The following SRGAP3 variants were observed in gnomAD, a reference collection of about 807,000 sequenced individuals.
SRGAP3 encodes the protein SLIT-ROBO Rho GTPase activating protein 3, also known as SLIT-ROBO Rho GTPase-activating protein 3.
A neutral mutation model predicts 121.1 loss-of-function variants in SRGAP3; 39 were observed. The ratio of observed to expected loss-of-function variants is 0.32; its 90% CI spans 0.25 to 0.42. SRGAP3 has a LOEUF of 0.42. Among genes scored for constraint, SRGAP3 ranks in the 10% least tolerant of loss-of-function variants. The pLI, the probability that SRGAP3 is intolerant of heterozygous loss-of-function variation, is 1.00. For synonymous variants in SRGAP3, 601 were observed against 570.0 expected (o/e 1.05, Z -0.77); for missense variants, 1,213 against 1,470.6 (o/e 0.82, Z 2.86).
Position 9,056,120 on chromosome 3 carries a change from C to G in SRGAP3, c.1125+113G>C, listed in dbSNP as rs113134338. 1,464 of 912,554 alleles carry G rather than the reference C, an allele frequency of 1.6e-3. 4 individuals are homozygous for G. Among genetic ancestry groups the G allele is most frequent in the Non-Finnish European group, 2.4e-3 (1,347 of 556,678 alleles). 56.5% of individuals were successfully genotyped at this position (912,554 alleles called of 1,614,324 possible). A position where few individuals can be genotyped will look rare whatever the true frequency, so the allele number is the denominator to read the frequency against. ...TGGTTTTAATGATCGTGTACTATTC[C>G]ATCTTATAAGTGGAACTATCATTTC... On this transcript the variant is annotated intron_variant, in intron 8 of 21. Transcript: ENST00000383836.
chr3:9,141,166 C>A (rs1949831323), intron 1 of SRGAP3, among the ~76,000 whole-genome samples: 1 of 152,186 alleles, frequency 6.6e-6, no homozygotes. Flanking sequence ...GCAGGCCAGC[C>A]CCCACTCTGC....
At chr3:9,177,252 G>C (rs906049998) in intron 1 of SRGAP3, among the ~76,000 whole-genome samples, 2 of 152,226 alleles carry the variant, frequency 1.3e-5, no homozygotes, top group Non-Finnish European at 1.5e-5. Flanking sequence ...ATTCTGGTGA[G>C]AGAGACAGAT....
At chr3:9,270,971 T>C in intron 3 of SRGAP3, among the ~76,000 whole-genome samples, 1 of 152,146 alleles carries the variant, frequency 6.6e-6, no homozygotes, top group East Asian at 1.9e-4. Flanking sequence ...CTGCAGAGGA[T>C]TTTTGTTTTG....
At chr3:9,311,496 C>T (rs1204619638) in intron 3 of SRGAP3, among the ~76,000 whole-genome samples, 1 of 152,216 alleles carries the variant, frequency 6.6e-6, no homozygotes, top group Non-Finnish European at 1.5e-5. Flanking sequence ...TCAAGTCTGT[C>T]GCAACCACTC....
At chr3:9,276,771 C>G (rs1033447829) in intron 3 of SRGAP3, among the ~76,000 whole-genome samples, 30 of 152,244 alleles carry the variant, frequency 2.0e-4, no homozygotes, top group African/African-American at 6.3e-4. Context: ...CAGCCCTGCT[C>G]TAATCTGTAC....
intron 18 of SRGAP3, among the ~76,000 whole-genome samples, chr3:8,995,524 G>A (rs906411318): frequency 1.3e-5 from 2 of 152,144 alleles, no homozygotes; most frequent in African/African-American, 2.4e-5. Context: ...GCTTAGTACA[G>A]ATACTCATGA....
intron 4 of SRGAP3, among the ~76,000 whole-genome samples, chr3:9,077,696 GCAGC>G (rs1318164357): frequency 6.6e-6 from 1 of 152,224 alleles, no homozygotes; most frequent in Admixed American, 6.5e-5. Context: ...ATCCTGCCCT[GCAGC>G]CAGCACAGGG....
At chr3:9,347,439 A>T (rs1157474216) in intron 1 of SRGAP3, among the ~76,000 whole-genome samples, 2 of 152,202 alleles carry the variant, frequency 1.3e-5, no homozygotes, top group Non-Finnish European at 2.9e-5. Flanking sequence ...AGAAGAATAT[A>T]TGCAGGACTC....
Position 9,169,135 on chromosome 3 carries a change from T to A in SRGAP3, c.68-44218A>T, listed in dbSNP as rs150198972. 3.6e-3 allele frequency among the ~76,000 whole-genome samples: 554 copies of A among 152,368 alleles called. 2 individuals carry two copies. The highest frequency in any genetic ancestry group is 0.013 in the African/African-American group (520 of 41,596). The stretch of plus-strand genomic sequence containing the variant: ...GTTTCTGAGCCTCTCTGTGGATCTA[T>A]CTGTTCATCTAGGAAATGAGGATAG... On this transcript the variant is annotated intron_variant, in intron 1 of 21. Transcript: ENST00000383836.
chr3:9,170,747 G>A (rs1480712576), intron 1 of SRGAP3, among the ~76,000 whole-genome samples: 1 of 152,240 alleles, frequency 6.6e-6, no homozygotes, highest in African/African-American at 2.4e-5. Flanking sequence ...GCCCAAGGAG[G>A]TGAGGGCACA....
At chr3:9,331,943 T>C (rs1012175194) in intron 1 of SRGAP3, among the ~76,000 whole-genome samples, 1 of 152,152 alleles carries the variant, frequency 6.6e-6, no homozygotes, top group Non-Finnish European at 1.5e-5. Context: ...TAATATACTG[T>C]TGTTAATTAA....
chr3:9,214,314 C>G (rs543868985), intron 1 of SRGAP3, among the ~76,000 whole-genome samples: 1 of 152,144 alleles, frequency 6.6e-6, no homozygotes, highest in Non-Finnish European at 1.5e-5. Flanking sequence ...ACAATAGAAA[C>G]AGTCATATGG....
chr3:9,294,546 CAAACAAAA>C (rs1304056343), intron 3 of SRGAP3, among the ~76,000 whole-genome samples: 1 of 84,384 alleles, frequency 1.2e-5, no homozygotes, highest in Non-Finnish European at 3.3e-5. Flanking sequence ...AACAAACAAA[CAAACAAAA>C]AAAAACACCA....
rs1943787406 is a variant in SRGAP3, at chr3:9,019,166, CA to C, written c.1679-3436del. 3.9e-5 allele frequency among the ~76,000 whole-genome samples: 6 copies of C among 152,306 alleles called. No individual in the cohort carries two copies. In the South Asian group the frequency reaches 1.2e-3, roughly 32 times the overall value. Reference sequence around the variant, plus strand: ...TATTTTGTTATTATAAATATTGCCACAGTGAATAGTCTTGTGTTTTTGTATG... The same window carrying C: ...TATTTTGTTATTATAAATATTGCCACGTGAATAGTCTTGTGTTTTTGTATG... On this transcript the variant is annotated intron_variant, in intron 14 of 21. Coordinates refer to ENST00000383836, the MANE Select transcript of SRGAP3 (RefSeq NM_014850.4).
At chr3:9,086,517 CA>C (rs1242587521) in intron 3 of SRGAP3, among the ~76,000 whole-genome samples, 34,797 of 87,576 alleles carry the variant, frequency 0.4, 3,278 homozygotes, top group Middle Eastern at 0.48. Flanking sequence ...GAGACTGTTT[CA>C]AAAAAAAAAA....
chr3:9,176,002 A>T (rs1057448574), intron 1 of SRGAP3, among the ~76,000 whole-genome samples: 10 of 152,074 alleles, frequency 6.6e-5, no homozygotes, highest in Non-Finnish European at 1.5e-4. Flanking sequence ...GCTCACTGCA[A>T]ACTCCGCCTC....
In SRGAP3 at chr3:9,109,533, G is replaced by A. The variant is rs190852261; in HGVS notation, c.261-4691C>T. ...CTTCCAGCCCTCGTTCACTCCTTGCGTTTGTGTGTCTGTGCTGGGCAGGAC... is the reference window on the plus strand; with the variant it reads ...CTTCCAGCCCTCGTTCACTCCTTGCATTTGTGTGTCTGTGCTGGGCAGGAC... On this transcript the variant is annotated intron_variant, in intron 2 of 21. Transcript: ENST00000383836. This position sits in a 1 kb window ranked among gnomAD's most constrained non-coding sequence, Gnocchi z 4.4. Among the ~76,000 whole-genome samples, 126 of 152,314 alleles carry A rather than the reference G, an allele frequency of 8.3e-4. No homozygotes were observed. Among genetic ancestry groups the A allele is most frequent in the African/African-American group, 2.6e-3 (108 of 41,568 alleles).
chr3:9,171,623 T>C (rs1296915696), intron 1 of SRGAP3, among the ~76,000 whole-genome samples: 1 of 152,226 alleles, frequency 6.6e-6, no homozygotes, highest in African/African-American at 2.4e-5. Flanking sequence ...ATTAAAAGTT[T>C]TTTTATTATT....
intron 3 of SRGAP3, among the ~76,000 whole-genome samples, chr3:9,263,052 G>A (rs764012152): frequency 6.6e-6 from 1 of 152,162 alleles, no homozygotes; most frequent in African/African-American, 2.4e-5. Context: ...TAGAACTCAG[G>A]ATTAAGAAGT....
Sources: allele counts gnomAD v4.1 joint callset (sites outside exome capture counted in the v4.1 genomes callset), GRCh38; gene constraint gnomAD v4.1.1; non-coding constraint Gnocchi (gnomAD v3.1); transcripts MANE v1.5; gene names NCBI Gene and HGNC (gene_info 2026-07-23, HGNC 2026-07-21).